The following CALN1 variants were observed in gnomAD, a reference collection of about 807,000 sequenced individuals.
CALN1 encodes calcium-binding protein 8.
A neutral mutation model predicts 30.6 loss-of-function variants in CALN1; 17 were observed. That is an observed-to-expected ratio of 0.56 (90% CI 0.38 to 0.83). The LOEUF is 0.83. CALN1 is among the 40% of genes least tolerant of loss of function. The probability of loss-of-function intolerance (pLI) is 0.00; values close to 1 mark genes in which losing one functional copy is unlikely to be tolerated. For missense variants in CALN1, 291 were observed against 354.9 expected, an observed-to-expected ratio of 0.82 and a Z score of 1.45; for synonymous variants, 156 against 131.4, an observed-to-expected ratio of 1.19 and a Z score of -1.28.
At chr7:72,245,117 G>T (rs1346727290) in intron 3 of CALN1, among the ~76,000 whole-genome samples, 2 of 152,166 alleles carry the variant, frequency 1.3e-5, no homozygotes, top group African/African-American at 4.8e-5. Flanking sequence ...AGGTGACGTA[G>T]ACAGAACAAT....
chr7:72,254,914 GCAC>G, intron 3 of CALN1, among the ~76,000 whole-genome samples: 1 of 151,986 alleles, frequency 6.6e-6, no homozygotes, highest in East Asian at 1.9e-4. Context: ...TTACAGGCTT[GCAC>G]CACCACGCCC....
Position 72,114,241 on chromosome 7 carries a change from GTT to G in CALN1, c.245-7949_245-7948del, listed in dbSNP as rs1491450373. ...AAGTAAAGTAAAAGTAAAAATAAAA[GTT>G]GAAGGGAAGGGAAGGGAAGGGAAGG... is the stretch of plus-strand genomic sequence containing the variant. On this transcript the variant is annotated intron_variant, in intron 3 of 6. Coordinates refer to ENST00000395275, the MANE Select transcript of CALN1 (RefSeq NM_031468.4). 8.4e-5 allele frequency among the ~76,000 whole-genome samples: 5 copies of G among 59,822 alleles called. 2 individuals carry two copies. Among genetic ancestry groups the G allele is most frequent in the African/African-American group, 1.5e-4 (2 of 13,144 alleles). The allele number at this position is 59,822 out of a possible 152,430, so 39.2% of individuals were successfully genotyped here. A position where few individuals can be genotyped will look rare whatever the true frequency, so the allele number is the denominator to read the frequency against.
intron 5 of CALN1, among the ~76,000 whole-genome samples, chr7:71,939,679 A>G (rs896538874): frequency 1.3e-5 from 2 of 152,096 alleles, no homozygotes; most frequent in Non-Finnish European, 2.9e-5. Flanking sequence ...GCCTAAATAC[A>G]CTGCTTGGAA....
intron 3 of CALN1, among the ~76,000 whole-genome samples, chr7:72,211,867 T>G (rs1191740138): frequency 6.6e-6 from 1 of 152,124 alleles, no homozygotes; most frequent in Non-Finnish European, 1.5e-5. Flanking sequence ...GATAGTGTTG[T>G]GCAGAGAATT....
intron 5 of CALN1, among the ~76,000 whole-genome samples, chr7:71,912,142 CGTTA>C (rs1319384350): frequency 1.2e-4 from 19 of 152,168 alleles, no homozygotes; most frequent in Admixed American, 1.0e-3. Context: ...CCTCAGTGAA[CGTTA>C]GTCTTCTGTG....
intron 3 of CALN1, among the ~76,000 whole-genome samples, chr7:72,152,377 T>C (rs901620097): frequency 4.6e-5 from 7 of 152,202 alleles, no homozygotes; most frequent in Non-Finnish European, 1.0e-4. Context: ...TTTCTGTTGG[T>C]GTCTGATTTC....
intron 5 of CALN1, among the ~76,000 whole-genome samples, chr7:71,918,519 T>G (rs905668136): frequency 6.6e-6 from 1 of 152,222 alleles, no homozygotes; most frequent in Non-Finnish European, 1.5e-5. Context: ...CTGGGAGAAC[T>G]GAGGCATGCC....
chr7:72,438,426 C>T (rs1309115483), intron 1 of CALN1, among the ~76,000 whole-genome samples: 1 of 152,164 alleles, frequency 6.6e-6, no homozygotes, highest in African/African-American at 2.4e-5. Context: ...CCAGCCTTGC[C>T]TGTATTTCTT....
intron 2 of CALN1, among the ~76,000 whole-genome samples, chr7:72,373,228 TG>T (rs1412549282): frequency 1.3e-5 from 2 of 152,160 alleles, no homozygotes; most frequent in African/African-American, 4.8e-5. Context: ...AAAGGAAGTT[TG>T]GGAAAAAATG....
intron 5 of CALN1, among the ~76,000 whole-genome samples, chr7:71,938,579 G>A (rs560778709): frequency 1.3e-5 from 2 of 151,902 alleles, no homozygotes; most frequent in South Asian, 2.1e-4. Flanking sequence ...GGCAGATCAC[G>A]AGGTCAGGAG....
chr7:71,868,164 C>T (rs1029388868), intron 5 of CALN1, among the ~76,000 whole-genome samples: 7 of 152,074 alleles, frequency 4.6e-5, no homozygotes, highest in Non-Finnish European at 7.3e-5. Context: ...AGCCTGTTCT[C>T]GCATGGCTAT....
chr7:72,399,648 T>G (rs749476485), intron 2 of CALN1, among the ~76,000 whole-genome samples: 15 of 152,154 alleles, frequency 9.9e-5, no homozygotes, highest in Non-Finnish European at 1.6e-4. Context: ...AAGCTCCAAC[T>G]TAAGCCTTAA....
intron 3 of CALN1, among the ~76,000 whole-genome samples, chr7:72,228,102 C>A (rs1457878243): frequency 6.6e-6 from 1 of 151,972 alleles, no homozygotes; most frequent in Admixed American, 6.6e-5. Flanking sequence ...TGTAGCTCTT[C>A]TTTCTTTGTC....
At chr7:71,824,961 C>A (rs1451214072) in intron 5 of CALN1, among the ~76,000 whole-genome samples, 2 of 152,146 alleles carry the variant, frequency 1.3e-5, no homozygotes, top group Non-Finnish European at 2.9e-5. Context: ...TATAAAAATA[C>A]AGTCATGTTT....
At chr7:71,994,491 G>A (rs912428119) in intron 5 of CALN1, among the ~76,000 whole-genome samples, 1 of 123,256 alleles carries the variant, frequency 8.1e-6, no homozygotes, top group African/African-American at 3.3e-5. Flanking sequence ...CACCCTGGGC[G>A]ACAGAGCAAG....
At chr7:71,946,701 T>A (rs1316630220) in intron 5 of CALN1, among the ~76,000 whole-genome samples, 1 of 151,988 alleles carries the variant, frequency 6.6e-6, no homozygotes, top group African/African-American at 2.4e-5. Flanking sequence ...TTTTCCCACA[T>A]CTGTCATGAG....
At chr7:72,259,445 C>A (rs1796130740) in intron 3 of CALN1, among the ~76,000 whole-genome samples, 1 of 152,070 alleles carries the variant, frequency 6.6e-6, no homozygotes, top group African/African-American at 2.4e-5. Flanking sequence ...TACCTCATTA[C>A]CTAGTTAAGC....
intron 2 of CALN1, among the ~76,000 whole-genome samples, chr7:72,376,320 G>C (rs926003640): frequency 3.9e-5 from 6 of 152,172 alleles, no homozygotes; most frequent in African/African-American, 1.4e-4. Context: ...ATGCCAAGTT[G>C]TTTTCCAAAG....
At chr7:72,456,217 A>T in the CALN1 span, among the ~76,000 whole-genome samples, 1 of 150,224 alleles carries the variant, frequency 6.7e-6, no homozygotes. Flanking sequence ...AGAGAGATGT[A>T]CCATTGTAAG....
Sources: gnomAD v4.1 joint callset for allele counts (sites outside exome capture counted in the v4.1 genomes callset) on GRCh38, gnomAD v4.1.1 for gene constraint, MANE v1.5 for transcripts, NCBI Gene and HGNC (gene_info 2026-07-23, HGNC 2026-07-21) for gene names.